Variants in ITFG1 observed in about 807,000 individuals in gnomAD.
The protein encoded by ITFG1 is T-cell immunomodulatory protein.
In ITFG1, 34 loss-of-function variants were observed where a neutral mutation model predicts 81.8. The observed-to-expected ratio is 0.42, with a 90% CI of 0.32 to 0.55. The LOEUF (loss-of-function observed/expected upper bound fraction) is 0.55, where lower values mean the gene tolerates loss of function less well. ITFG1 is among the 20% of genes least tolerant of loss of function. The pLI is 0.17. For synonymous variants in ITFG1, 285 were observed against 270.6 expected (o/e 1.05, Z -0.52); for missense variants, 672 against 755.4 (o/e 0.89, Z 1.29).
At chr16:47,222,962 C>T (rs569113724) in intron 13 of ITFG1, among the ~76,000 whole-genome samples, 1 of 151,916 alleles carries the variant, frequency 6.6e-6, no homozygotes, top group South Asian at 2.1e-4. Context: ...TTTGACAAAC[C>T]TGAGAAAAAC....
chr16:47,461,081 C>T, upstream of ITFG1: 1 of 1,486,858 alleles, frequency 6.7e-7, no homozygotes, highest in African/African-American at 1.4e-5. Flanking sequence ...GGCCCAACGC[C>T]GCGCTTGACG....
chr16:47,437,934 C>T (rs538060920), intron 5 of ITFG1, among the ~76,000 whole-genome samples: 1 of 152,312 alleles, frequency 6.6e-6, no homozygotes, highest in South Asian at 2.1e-4. Flanking sequence ...CTTTCCTAGT[C>T]AAAGAAAGGG....
intron 8 of ITFG1, among the ~76,000 whole-genome samples, chr16:47,336,994 G>A (rs1274457646): frequency 6.6e-6 from 1 of 150,934 alleles, no homozygotes; most frequent in Non-Finnish European, 1.5e-5. Context: ...AAGAGGCTGG[G>A]TACAGTGGCT....
chr16:47,345,911 C>T (rs952927587), intron 8 of ITFG1, among the ~76,000 whole-genome samples: 5 of 152,122 alleles, frequency 3.3e-5, no homozygotes, highest in African/African-American at 9.7e-5. Flanking sequence ...TATTAATGGG[C>T]ACGAATAGAG....
chr16:47,439,087 G>A (rs569562606), intron 5 of ITFG1, among the ~76,000 whole-genome samples: 19 of 152,300 alleles, frequency 1.2e-4, no homozygotes, highest in Middle Eastern at 3.4e-3. Context: ...GGGTATGAGC[G>A]ATGGAAGACG....
At chr16:47,263,333 T>A in intron 10 of ITFG1, 1 of 476,086 alleles carries the variant, frequency 2.1e-6, no homozygotes, top group South Asian at 1.6e-5. Flanking sequence ...GGAGCAGGCC[T>A]ATGATCTGGC....
intron 10 of ITFG1, among the ~76,000 whole-genome samples, chr16:47,310,156 T>A (rs1967234749): frequency 1.3e-5 from 2 of 152,196 alleles, no homozygotes; most frequent in Admixed American, 6.5e-5. Context: ...CCAACGTGCT[T>A]AGGAAAGTTA....
At chr16:47,233,305 G>C (rs1028362072) in intron 13 of ITFG1, among the ~76,000 whole-genome samples, 1 of 152,196 alleles carries the variant, frequency 6.6e-6, no homozygotes. Context: ...CAGCTTACAA[G>C]AAGCAGAAGC....
Position 47,413,878 on chromosome 16 carries a change from T to C in ITFG1, c.655+14926A>G, listed in dbSNP as rs543500059. Among the ~76,000 whole-genome samples the C allele has an allele frequency of 8.7e-4, 132 of 152,278 alleles. 1 individual carries two copies. Among genetic ancestry groups the C allele is most frequent in the African/African-American group, 3.0e-3 (126 of 41,574 alleles). On this transcript the variant is annotated intron_variant, in intron 6 of 17. Coordinates refer to ENST00000320640, the MANE Select transcript of ITFG1 (RefSeq NM_030790.5). ...TCTTATCCCCCAGGCTAGAGTGTGATGGTGCGATCTTGGCTCACTGCAACC... is the reference window on the plus strand; with the variant it reads ...TCTTATCCCCCAGGCTAGAGTGTGACGGTGCGATCTTGGCTCACTGCAACC...
intron 1 of ITFG1, 64 bp from the exon 2 acceptor site, chr16:47,459,239 A>T (rs1336674185): frequency 9.1e-7 from 1 of 1,096,254 alleles, no homozygotes; most frequent in South Asian, 1.3e-5. Flanking sequence ...ATCAGTGGTT[A>T]CAAGAAGGTT....
At chr16:47,327,667 A>G (rs904230623) in intron 8 of ITFG1, among the ~76,000 whole-genome samples, 17 of 152,270 alleles carry the variant, frequency 1.1e-4, no homozygotes, top group Non-Finnish European at 2.1e-4. Flanking sequence ...TGGGCAAAGG[A>G]TATGAACAGA....
At chr16:47,348,386 A>C (rs1285642612) in intron 8 of ITFG1, among the ~76,000 whole-genome samples, 1 of 152,214 alleles carries the variant, frequency 6.6e-6, no homozygotes, top group Non-Finnish European at 1.5e-5. Flanking sequence ...GGAGCTGAAA[A>C]CCATGCACAA....
chr16:47,435,897 C>A (rs1315213300), intron 5 of ITFG1, among the ~76,000 whole-genome samples: 1 of 151,936 alleles, frequency 6.6e-6, no homozygotes, highest in East Asian at 1.9e-4. Context: ...ATATTTGAAT[C>A]TATTATAATT....
intron 10 of ITFG1, among the ~76,000 whole-genome samples, chr16:47,303,593 A>G (rs1188714044): frequency 6.6e-6 from 1 of 152,168 alleles, no homozygotes; most frequent in African/African-American, 2.4e-5. Flanking sequence ...GAAACCTTTT[A>G]ATCCTCCCTT....
chr16:47,451,158 A>C (rs965538504), intron 5 of ITFG1, among the ~76,000 whole-genome samples: 11 of 152,212 alleles, frequency 7.2e-5, no homozygotes, highest in Non-Finnish European at 4.4e-5. Flanking sequence ...CCAATATTTA[A>C]ATGGGGACCC....
intron 6 of ITFG1, 103 bp from the exon 7 acceptor site, chr16:47,376,043 C>A: frequency 1.6e-6 from 1 of 607,030 alleles, no homozygotes; most frequent in South Asian, 2.2e-5. Flanking sequence ...TGACACAATT[C>A]TACTTAAACA....
intron 17 of ITFG1, among the ~76,000 whole-genome samples, chr16:47,156,291 T>G (rs1202879808): frequency 2.0e-5 from 3 of 152,070 alleles, no homozygotes; most frequent in African/African-American, 4.8e-5. Context: ...ATACAAAAAT[T>G]AGCTGAGTGT....
At chr16:47,231,943 C>T (rs1178722184) in intron 13 of ITFG1, among the ~76,000 whole-genome samples, 1 of 152,108 alleles carries the variant, frequency 6.6e-6, no homozygotes, top group East Asian at 1.9e-4. Flanking sequence ...TCACAAAGCT[C>T]CCCATAGGAG....
At chr16:47,320,911 G>C (rs1211905413) in intron 8 of ITFG1, among the ~76,000 whole-genome samples, 1 of 152,120 alleles carries the variant, frequency 6.6e-6, no homozygotes, top group Non-Finnish European at 1.5e-5. Context: ...ACTTGGTCAT[G>C]AAAAATGAAA....
Sources: allele counts gnomAD v4.1 joint callset (sites outside exome capture counted in the v4.1 genomes callset), GRCh38; gene constraint gnomAD v4.1.1; transcripts MANE v1.5; gene names NCBI Gene and HGNC (gene_info 2026-07-23, HGNC 2026-07-21).